The following MGRN1 variants were observed in gnomAD, a reference collection of about 807,000 sequenced individuals.
MGRN1 encodes mahogunin ring finger 1.
MGRN1 carries 29 observed loss-of-function variants against 69.2 expected under a neutral mutation model. The observed-to-expected ratio is 0.42, with a 90% CI of 0.31 to 0.57. MGRN1 has a LOEUF of 0.57. Among genes scored for constraint, MGRN1 ranks in the 20% least tolerant of loss-of-function variants. The pLI, the probability that MGRN1 is intolerant of heterozygous loss-of-function variation, is 0.15. For synonymous variants in MGRN1, 470 were observed against 344.2 expected (o/e 1.37, Z -4.04); for missense variants, 998 against 796.2 (o/e 1.25, Z -3.05).
At chr16:4,666,750 C>T (rs540146394) in intron 7 of MGRN1, among the ~76,000 whole-genome samples, 1 of 152,294 alleles carries the variant, frequency 6.6e-6, no homozygotes, top group South Asian at 2.1e-4. Flanking sequence ...GGCCCTGCTT[C>T]CTACAGGAGC....
chr16:4,687,468 C>CT (rs2079353926), intron 16 of MGRN1: 6 of 954,466 alleles, frequency 6.3e-6, no homozygotes, highest in Non-Finnish European at 6.2e-6. Flanking sequence ...ATTGCCGGAG[C>CT]TGGGGAGGTC....
At chr16:4,670,163 C>G (rs972603174) in intron 8 of MGRN1, among the ~76,000 whole-genome samples, 1 of 150,432 alleles carries the variant, frequency 6.6e-6, no homozygotes, top group African/African-American at 2.5e-5. Flanking sequence ...CTCCCAGGTT[C>G]AAGTGATTTC....
At chr16:4,664,848 G>A in intron 6 of MGRN1, 73 bp downstream of exon 6, 3 of 1,573,382 alleles carry the variant, frequency 1.9e-6, no homozygotes, top group Non-Finnish European at 2.6e-6. Flanking sequence ...AGGGAGGAGT[G>A]CTTGCAGCAG....
chr16:4,666,726 C>T (rs1409592783), intron 7 of MGRN1, among the ~76,000 whole-genome samples: 1 of 152,220 alleles, frequency 6.6e-6, no homozygotes, highest in African/African-American at 2.4e-5. Context: ...CACTCTGACC[C>T]TGCAGGCTGG....
intron 16 of MGRN1, chr16:4,686,121 TTC>T: frequency 9.6e-7 from 1 of 1,039,602 alleles, no homozygotes; most frequent in Non-Finnish European, 1.4e-6. Flanking sequence ...CTCCTTGTGG[TTC>T]TCTGTGGTTG....
At chr16:4,676,591 C>T (rs2079058117) in intron 10 of MGRN1, among the ~76,000 whole-genome samples, 1 of 152,178 alleles carries the variant, frequency 6.6e-6, no homozygotes, top group Admixed American at 6.5e-5. Context: ...TAGAAATTGA[C>T]ACAGAGGAGG....
chr16:4,637,449 A>G (rs147919199), intron 1 of MGRN1, among the ~76,000 whole-genome samples: 3 of 152,162 alleles, frequency 2.0e-5, no homozygotes, highest in African/African-American at 7.2e-5. Flanking sequence ...CAAAAAAAAA[A>G]TTGAGTTATC....
At chr16:4,676,655 C>CTGGTTTGG (rs1303550753) in intron 10 of MGRN1, among the ~76,000 whole-genome samples, 4 of 152,152 alleles carry the variant, frequency 2.6e-5, no homozygotes, top group East Asian at 1.9e-4. Flanking sequence ...TTGGAGGTGG[C>CTGGTTTGG]TGGTTTGGTG....
intron 5 of MGRN1, among the ~76,000 whole-genome samples, chr16:4,661,271 G>A (rs995601946): frequency 2.0e-5 from 3 of 152,120 alleles, no homozygotes; most frequent in Admixed American, 2.0e-4. Flanking sequence ...GAGCCACCAC[G>A]TCAGGCCCAC....
intron 16 of MGRN1, chr16:4,686,289 T>C: frequency 1.3e-6 from 2 of 1,545,124 alleles, no homozygotes; most frequent in East Asian, 2.4e-5. Flanking sequence ...TCTGTTGGTA[T>C]AGACGAGTAA....
chr16:4,683,590 G>A (rs530198144), intron 15 of MGRN1, among the ~76,000 whole-genome samples: 2 of 152,072 alleles, frequency 1.3e-5, no homozygotes. Flanking sequence ...TGAACATCCA[G>A]GACACAGTGT....
chr16:4,642,799 T>G (rs1018024571), intron 1 of MGRN1, among the ~76,000 whole-genome samples: 4 of 151,878 alleles, frequency 2.6e-5, no homozygotes, highest in African/African-American at 9.7e-5. Flanking sequence ...TTTTTTTTTT[T>G]TTTTTGTTAA....
At chr16:4,685,306 G>A (rs976567751) in intron 16 of MGRN1, among the ~76,000 whole-genome samples, 7 of 152,268 alleles carry the variant, frequency 4.6e-5, no homozygotes, top group African/African-American at 1.7e-4. Flanking sequence ...GCATCTCAGA[G>A]GCTGCGCCTC....
intron 5 of MGRN1, 52 bp downstream of exon 5, chr16:4,657,415 C>A: frequency 6.4e-7 from 1 of 1,552,682 alleles, no homozygotes; most frequent in Non-Finnish European, 8.9e-7. Context: ...AATTCTCTCC[C>A]CTTGGGGGTG....
chr16:4,660,568 C>T (rs770637872), intron 5 of MGRN1, among the ~76,000 whole-genome samples: 1 of 152,212 alleles, frequency 6.6e-6, no homozygotes, highest in South Asian at 2.1e-4. Flanking sequence ...TGCGCGGATG[C>T]ATTCCAGGCC....
At position 4,671,526 on chromosome 16, in the gene MGRN1, C is replaced by T; in HGVS notation, c.795+67C>T. The T allele has an allele frequency of 2.1e-6, 3 of 1,458,352 alleles. No individual in the cohort carries two copies. In the South Asian group the frequency reaches 3.4e-5, roughly 17 times the overall value. 90.3% of individuals were successfully genotyped at this position (1,458,352 alleles called of 1,614,324 possible). On this transcript the variant is annotated intron_variant, in intron 9 of 16. Transcript: ENST00000262370. Reference sequence around the variant, plus strand: ...CCACACCAGGAGCAGCCGCGGACAGCAATGCTTGCCGGTTCCCTTCCATGC... The same window carrying T: ...CCACACCAGGAGCAGCCGCGGACAGTAATGCTTGCCGGTTCCCTTCCATGC...
At position 4,625,067 on chromosome 16, in the gene MGRN1, GCGCGGACTGCTAGGCACGCGCTGGAA is replaced by G. The variant is rs755434662; in HGVS notation, c.88+27_88+52del. 7.2e-6 allele frequency: 11 copies of G among 1,525,598 alleles called. No homozygotes were observed. The highest frequency in any genetic ancestry group is 7.2e-5 in the African/African-American group (5 of 69,612). 94.5% of individuals were successfully genotyped at this position (1,525,598 alleles called of 1,614,324 possible). A position where few individuals can be genotyped will look rare whatever the true frequency, so the allele number is the denominator to read the frequency against. ...AAGTCCGGTGAGCGCCCGGCCCCAG[GCGCGGACTGCTAGGCACGCGCTGGAA>G]CGCGGACCCGGCGGGCGCGGGGGCG... On this transcript the variant is annotated intron_variant, in intron 1 of 16. Coordinates refer to ENST00000262370, the MANE Select transcript of MGRN1 (RefSeq NM_015246.4).
chr16:4,688,561 G>A, intron 16 of MGRN1: 2 of 1,284,308 alleles, frequency 1.6e-6, no homozygotes, highest in Non-Finnish European at 2.0e-6. Flanking sequence ...ATCTGCTGTG[G>A]GTGTCCGGGG....
intron 1 of MGRN1, among the ~76,000 whole-genome samples, chr16:4,628,528 C>T (rs1432346714): frequency 2.0e-5 from 3 of 152,124 alleles, no homozygotes; most frequent in Non-Finnish European, 4.4e-5. Flanking sequence ...AACCCCCACC[C>T]TCAGCCCATC....
Sources: allele counts gnomAD v4.1 joint callset (sites outside exome capture counted in the v4.1 genomes callset), GRCh38; gene constraint gnomAD v4.1.1; transcripts MANE v1.5; gene names NCBI Gene and HGNC (gene_info 2026-07-23, HGNC 2026-07-21).